The following TRNT1 variants were observed in gnomAD, a reference collection of about 807,000 sequenced individuals.
The protein encoded by TRNT1 is CCA tRNA nucleotidyltransferase 1, mitochondrial.
A neutral mutation model predicts 45.6 loss-of-function variants in TRNT1; 44 were observed. That is an observed-to-expected ratio of 0.97 (90% CI 0.76 to 1.24). The LOEUF (loss-of-function observed/expected upper bound fraction) is 1.24. TRNT1 is among the 50% of genes most tolerant of loss of function. The pLI is 0.00. For missense variants in TRNT1, 633 were observed against 504.4 expected (o/e 1.25, Z -2.44); for synonymous variants, 201 against 171.4 (o/e 1.17, Z -1.35).
At chr3:3,149,920 G>A (rs1706377599), downstream of TRNT1, 8 of 152,234 alleles carry the variant, frequency 5.3e-5, no homozygotes, top group South Asian at 1.7e-3. Context: ...CTAAACCCTT[G>A]AATATAAGCA....
In TRNT1 at chr3:3,144,712, T is replaced by A. The variant is rs780614836; in HGVS notation, c.608+2T>A. The A allele has an allele frequency of 6.6e-7, 1 of 1,522,270 alleles. No individual in the cohort carries two copies. Among genetic ancestry groups the A allele is most frequent in the South Asian group, 1.2e-5 (1 of 82,910 alleles). 94.3% of individuals were successfully genotyped at this position (1,522,270 alleles called of 1,614,324 possible). On this transcript the variant is annotated splice_donor_variant, in intron 5 of 7. Transcript: ENST00000251607. LOFTEE classifies it high-confidence loss of function. ...TCTTAGAATTTTAAGATACTTCAGG[T>A]AAGAATTTTTAAAAATAAAAAATGA...
downstream of TRNT1, chr3:3,149,881 TATCATACAA>T (rs1706371054): frequency 6.6e-6 from 1 of 152,158 alleles, no homozygotes; most frequent in Non-Finnish European, 1.5e-5. Flanking sequence ...AAACGAAAGT[TATCATACAA>T]ATGTGGAAGG....
Position 3,129,141 on chromosome 3 carries a change from C to A in TRNT1, c.101C>A (p.Ser34Tyr). The change falls in exon 2 of 8, where the codon TCT becomes TAT. Residue 34 changes from serine to tyrosine, a missense_variant. By Grantham distance (144) the Ser-to-Tyr change is moderately radical. Transcript: ENST00000251607. ...TATCTATTCACAATGAAGTTGCAGT[C>A]TCCCGAATTCCAGTCACTTTTCACA... ...KQYLFTMKLQ[S>Y]PEFQSLFTEG... 2 of 1,614,120 alleles carry A rather than the reference C, an allele frequency of 1.2e-6. No homozygotes were observed. Among genetic ancestry groups the A allele is most frequent in the Non-Finnish European group, 1.7e-6 (2 of 1,179,982 alleles).
downstream of TRNT1, among the ~76,000 whole-genome samples, chr3:3,151,945 G>A (rs908698734): frequency 2.5e-4 from 38 of 152,288 alleles, no homozygotes; most frequent in African/African-American, 8.4e-4. Context: ...ATATGGTCCA[G>A]ATATAAAGTT....
chr3:3,128,292 G>A (rs1267173015), intron 1 of TRNT1, among the ~76,000 whole-genome samples: 1 of 152,144 alleles, frequency 6.6e-6, no homozygotes, highest in Non-Finnish European at 1.5e-5. Flanking sequence ...ATTCTAAACG[G>A]GTCCTGTTAA....
At chr3:3,130,876 G>A (rs576633685) in intron 2 of TRNT1, among the ~76,000 whole-genome samples, 34 of 152,136 alleles carry the variant, frequency 2.2e-4, no homozygotes, top group South Asian at 4.2e-4. Flanking sequence ...GAGCCCAGGA[G>A]TTTGAGACCA....
chr3:3,129,981 G>T, intron 2 of TRNT1: 1 of 1,550,290 alleles, frequency 6.5e-7, no homozygotes, highest in Non-Finnish European at 8.7e-7. Context: ...CATTGTGCAC[G>T]TTGCAAAACC....
intron 4 of TRNT1, among the ~76,000 whole-genome samples, chr3:3,143,954 G>A (rs541165869): frequency 2.0e-5 from 3 of 152,174 alleles, no homozygotes; most frequent in Admixed American, 6.5e-5. Flanking sequence ...TTCTATTTAC[G>A]TGGCCTTTTT....
chr3:3,144,758 G>A, intron 5 of TRNT1, 48 bp downstream of exon 5: 1 of 1,440,956 alleles, frequency 6.9e-7, no homozygotes, highest in Middle Eastern at 2.5e-4. Context: ...ATCATGACTA[G>A]AGCATAACAG....
Position 3,129,083 on chromosome 3 carries a change from C to T in TRNT1, c.43C>T (p.Arg15Cys), listed in dbSNP as rs766234875. 114 of 1,613,786 alleles carry T rather than the reference C, an allele frequency of 7.1e-5. 2 individuals are homozygous for T. The South Asian group carries it at 7.6e-4, about 11-fold the overall frequency. ...LYHWHRPVLN[R>C]RWSRLCLPKQ... is the part of the protein sequence containing the mutation. Reference sequence around the variant, plus strand: ...TCATTGGCACAGGCCAGTGCTGAACCGTAGGTGGAGTAGGCTGTGCCTTCC... The same window carrying T: ...TCATTGGCACAGGCCAGTGCTGAACTGTAGGTGGAGTAGGCTGTGCCTTCC... Residue 15 changes from arginine to cysteine, a missense_variant, in exon 2 of 8, where the codon CGT becomes TGT. Physicochemically the swap from Arg to Cys is radical, Grantham distance 180. Transcript: ENST00000251607.
chr3:3,132,758 CA>C (rs1705097450), intron 2 of TRNT1, among the ~76,000 whole-genome samples: 1 of 88,848 alleles, frequency 1.1e-5, no homozygotes, highest in Non-Finnish European at 2.3e-5. Context: ...AAAAAAAAAA[CA>C]CTGGATTTTC....
chr3:3,147,680 C>T lies in TRNT1; in HGVS notation c.1033C>T (p.Pro345Ser), dbSNP rs1706136923. 2.5e-6 allele frequency: 4 copies of T among 1,612,746 alleles called. No homozygotes were observed. Among genetic ancestry groups the T allele is most frequent in the Non-Finnish European group, 3.4e-6 (4 of 1,179,374 alleles). Residue 345 changes from proline (P) to serine (S), a missense_variant, in exon 7 of 8, where the codon CCC becomes TCC. By Grantham distance (74) the Pro-to-Ser change is moderately conservative. Coordinates refer to ENST00000251607, the MANE Select transcript of TRNT1 (RefSeq NM_182916.3). ...KATDSSDPLKPYQDFIIDSRE... is the reference protein window; with the variant it reads ...KATDSSDPLKSYQDFIIDSRE... ...AACAGATAGTTCAGACCCATTGAAACCCTATCAAGACTTCATTATAGATGT... is the reference window on the plus strand; with the variant it reads ...AACAGATAGTTCAGACCCATTGAAATCCTATCAAGACTTCATTATAGATGT...
At chr3:3,133,022 G>T (rs567346413) in intron 2 of TRNT1, among the ~76,000 whole-genome samples, 1 of 152,250 alleles carries the variant, frequency 6.6e-6, no homozygotes, top group Non-Finnish European at 1.5e-5. Flanking sequence ...AAATCAAAAT[G>T]TACAAAAACA....
downstream of TRNT1, chr3:3,149,918 T>C (rs989777515): frequency 6.6e-6 from 1 of 152,098 alleles, no homozygotes; most frequent in Non-Finnish European, 1.5e-5. Context: ...CACTAAACCC[T>C]TGAATATAAG....
At chr3:3,136,531 C>T (rs564099902) in intron 2 of TRNT1, 54 of 381,596 alleles carry the variant, frequency 1.4e-4, no homozygotes, top group South Asian at 1.2e-4. Context: ...TAGTTTCATG[C>T]GTGAACATCC....
At chr3:3,150,897 T>C (rs752261571), downstream of TRNT1, 4 of 1,613,842 alleles carry the variant, frequency 2.5e-6, no homozygotes, top group East Asian at 2.2e-5. Flanking sequence ...TCTGGACTTA[T>C]TTCATCTTCA....
chr3:3,138,843 C>G (rs1038347607), intron 3 of TRNT1, among the ~76,000 whole-genome samples: 1 of 152,124 alleles, frequency 6.6e-6, no homozygotes, highest in Non-Finnish European at 1.5e-5. Context: ...GTCTTTGTTT[C>G]CTCCGAGTGT....
chr3:3,149,594 G>A (rs1349819248), downstream of TRNT1: 1 of 151,390 alleles, frequency 6.6e-6, no homozygotes, highest in African/African-American at 2.4e-5. Context: ...AAGTTTTAGT[G>A]CAGTGTAAGA....
At position 3,148,903 on chromosome 3, in the gene TRNT1, G is replaced by GTAAT. The variant is rs1706257043; in HGVS notation, c.*750_*753dup. On this transcript the variant is annotated 3_prime_UTR_variant, in exon 8 of 8. Coordinates refer to ENST00000251607, the MANE Select transcript of TRNT1 (RefSeq NM_182916.3). ...TGTGTATTAGGTGTCATATACAATGGTAATATGCCTGTCTTTAAAGTGTTA... is the reference window on the plus strand; with the variant it reads ...TGTGTATTAGGTGTCATATACAATGGTAATTAATATGCCTGTCTTTAAAGTGTTA... 6.6e-6 allele frequency: 1 copy of GTAAT among 151,982 alleles called. No homozygotes were observed. The highest frequency in any genetic ancestry group is 1.5e-5 in the Non-Finnish European group (1 of 67,962). The allele number at this position is 151,982 out of a possible 1,614,324, so 9.4% of individuals were successfully genotyped here.
Sources: gnomAD v4.1 joint callset for allele counts (sites outside exome capture counted in the v4.1 genomes callset) on GRCh38, gnomAD v4.1.1 for gene constraint, MANE v1.5 for transcripts, NCBI Gene and HGNC (gene_info 2026-07-23, HGNC 2026-07-21) for gene names.